The following TEAD1 variants were observed in gnomAD, a reference collection of about 807,000 sequenced individuals.
The protein encoded by TEAD1 is transcriptional enhancer factor TEF-1.
Under a neutral mutation model 54.9 loss-of-function variants are expected in TEAD1, and 9 were observed. That is an observed-to-expected ratio of 0.16 (90% CI 0.10 to 0.29). The LOEUF (loss-of-function observed/expected upper bound fraction) is 0.29. Ranked by LOEUF, TEAD1 falls within the 10% of genes least tolerant of loss-of-function variation. The probability of loss-of-function intolerance (pLI) is 1.00; values close to 1 mark genes in which losing one functional copy is unlikely to be tolerated. For synonymous variants in TEAD1, 200 were observed against 187.8 expected, an observed-to-expected ratio of 1.07 and a Z score of -0.53; for missense variants, 387 against 535.9, an observed-to-expected ratio of 0.72 and a Z score of 2.74.
chr11:12,833,010 G>A (rs955037370), intron 3 of TEAD1, among the ~76,000 whole-genome samples: 17 of 152,184 alleles, frequency 1.1e-4, no homozygotes, highest in Non-Finnish European at 1.5e-5. Context: ...TGATTCATTT[G>A]ATACTGCTCT....
At chr11:12,847,373 C>T (rs972812603) in intron 3 of TEAD1, among the ~76,000 whole-genome samples, 3 of 151,778 alleles carry the variant, frequency 2.0e-5, no homozygotes, top group South Asian at 2.1e-4. Flanking sequence ...TAGCAGTGTG[C>T]ACAAAGTATG....
chr11:12,854,811 G>T (rs1413614347), intron 3 of TEAD1, among the ~76,000 whole-genome samples: 1 of 149,660 alleles, frequency 6.7e-6, no homozygotes, highest in Non-Finnish European at 1.5e-5. Flanking sequence ...AGCCAGGCTG[G>T]TCTCAAACTC....
intron 4 of TEAD1, 66 bp from the exon 5 acceptor site, chr11:12,864,772 A>C: frequency 6.2e-7 from 1 of 1,613,212 alleles, no homozygotes; most frequent in South Asian, 1.1e-5. Context: ...GCCCACTTGT[A>C]GGGGGCTTTT....
intron 3 of TEAD1, among the ~76,000 whole-genome samples, chr11:12,839,453 T>C (rs907192143): frequency 7.9e-5 from 12 of 152,158 alleles, no homozygotes; most frequent in Admixed American, 7.2e-4. Context: ...TTTTTGAAGA[T>C]CACGAGCTTC....
intron 3 of TEAD1, among the ~76,000 whole-genome samples, chr11:12,822,094 G>T (rs1946564526): frequency 6.6e-6 from 1 of 150,610 alleles, no homozygotes; most frequent in Admixed American, 6.7e-5. Flanking sequence ...CTCCTGAGTA[G>T]CTGGGACTAC....
At chr11:12,894,965 C>T (rs889187031) in intron 9 of TEAD1, among the ~76,000 whole-genome samples, 3 of 152,164 alleles carry the variant, frequency 2.0e-5, no homozygotes, top group Non-Finnish European at 2.9e-5. Context: ...ATACATATTT[C>T]CACTATGGCT....
intron 10 of TEAD1, 122 bp from the exon 11 acceptor site, chr11:12,924,790 T>A: frequency 8.1e-7 from 1 of 1,241,576 alleles, no homozygotes; most frequent in Middle Eastern, 1.9e-4. Flanking sequence ...TAGATGAGCA[T>A]CACCTTCCCA....
intron 3 of TEAD1, among the ~76,000 whole-genome samples, chr11:12,825,325 C>T (rs1946629524): frequency 6.6e-6 from 1 of 152,098 alleles, no homozygotes; most frequent in Non-Finnish European, 1.5e-5. Flanking sequence ...ACTAGAAAAC[C>T]TAAAGGAACA....
intron 2 of TEAD1, among the ~76,000 whole-genome samples, chr11:12,751,718 A>C (rs1243044707): frequency 7.5e-6 from 1 of 133,260 alleles, no homozygotes; most frequent in Admixed American, 7.6e-5. Context: ...ATCATGTTTC[A>C]GAATCATTTT....
chr11:12,903,902 G>A (rs1263316851), intron 10 of TEAD1, among the ~76,000 whole-genome samples: 3 of 152,132 alleles, frequency 2.0e-5, no homozygotes, highest in African/African-American at 4.8e-5. Flanking sequence ...CTGAAAAAGC[G>A]ATCACAGTCA....
intron 3 of TEAD1, among the ~76,000 whole-genome samples, chr11:12,860,570 A>C (rs527703213): frequency 6.6e-6 from 1 of 152,144 alleles, no homozygotes; most frequent in East Asian, 1.9e-4. Flanking sequence ...CCAGTTCTTT[A>C]CTCTGCTAGG....
At chr11:12,902,284 G>A (rs1948438419) in intron 10 of TEAD1, among the ~76,000 whole-genome samples, 171 bp downstream of exon 10, 3 of 152,220 alleles carry the variant, frequency 2.0e-5, no homozygotes, top group Non-Finnish European at 2.9e-5. Context: ...TCCTCATGCC[G>A]GCCTTATGCA....
At chr11:12,849,329 G>C (rs1238478041) in intron 3 of TEAD1, 1 of 152,164 alleles carries the variant, frequency 6.6e-6, no homozygotes, top group East Asian at 1.9e-4. Flanking sequence ...TTACAGGCTT[G>C]AGCCACCGTT....
intron 3 of TEAD1, among the ~76,000 whole-genome samples, chr11:12,861,368 T>C (rs142987825): frequency 1.8e-3 from 268 of 152,310 alleles, no homozygotes; most frequent in African/African-American, 5.7e-3. Context: ...CAGAAGGTTA[T>C]ATAACTTGGA....
chr11:12,883,289 G>T (rs950839219), intron 9 of TEAD1, among the ~76,000 whole-genome samples, 164 bp downstream of exon 9: 2 of 152,136 alleles, frequency 1.3e-5, no homozygotes, highest in Non-Finnish European at 2.9e-5. Context: ...AAGTAAAAAG[G>T]GATTCCTATT....
intron 3 of TEAD1, among the ~76,000 whole-genome samples, chr11:12,858,653 T>C (rs941589064): frequency 2.0e-5 from 3 of 152,198 alleles, no homozygotes; most frequent in African/African-American, 7.2e-5. Flanking sequence ...AGAAAGAACA[T>C]GGGTTTTTGA....
At chr11:12,760,490 T>C (rs933935658) in intron 2 of TEAD1, among the ~76,000 whole-genome samples, 2 of 152,176 alleles carry the variant, frequency 1.3e-5, no homozygotes, top group African/African-American at 4.8e-5. Context: ...CTCCTACCTC[T>C]TGCCCCAGTA....
chr11:12,706,124 T>C (rs1159948156), intron 2 of TEAD1, among the ~76,000 whole-genome samples: 1 of 152,216 alleles, frequency 6.6e-6, no homozygotes, highest in African/African-American at 2.4e-5. Context: ...GTTTGAAATA[T>C]TGCGTAAATA....
chr11:12,855,881 A>G (rs1947365663), intron 3 of TEAD1, among the ~76,000 whole-genome samples: 1 of 151,606 alleles, frequency 6.6e-6, no homozygotes, highest in Admixed American at 6.6e-5. Context: ...CCGGGAGATC[A>G]AGGCTACAGT....
Sources: allele counts gnomAD v4.1 joint callset (sites outside exome capture counted in the v4.1 genomes callset), GRCh38; gene constraint gnomAD v4.1.1; transcripts MANE v1.5; gene names NCBI Gene and HGNC (gene_info 2026-07-23, HGNC 2026-07-21).